Variants in PLPPR5 observed in about 807,000 individuals in gnomAD.
PLPPR5 encodes the protein phospholipid phosphatase-related protein type 5.
A neutral mutation model predicts 33.9 loss-of-function variants in PLPPR5; 16 were observed. That is an observed-to-expected ratio of 0.47 (90% CI 0.32 to 0.72). The LOEUF (loss-of-function observed/expected upper bound fraction) is 0.72. Among genes scored for constraint, PLPPR5 ranks in the 30% least tolerant of loss-of-function variants. PLPPR5 has a pLI of 0.03. For synonymous variants in PLPPR5, 163 were observed against 150.3 expected, an observed-to-expected ratio of 1.08 and a Z score of -0.62; for missense variants, 301 against 406.7, an observed-to-expected ratio of 0.74 and a Z score of 2.23.
At chr1:98,973,540 T>C (rs537694111) in intron 1 of PLPPR5, among the ~76,000 whole-genome samples, 2 of 152,118 alleles carry the variant, frequency 1.3e-5, no homozygotes, top group South Asian at 4.2e-4. Flanking sequence ...GGAAGAGCTT[T>C]ACAGGTAGGG....
At chr1:98,988,948 T>A (rs1411086254) in intron 1 of PLPPR5, among the ~76,000 whole-genome samples, 1 of 152,220 alleles carries the variant, frequency 6.6e-6, no homozygotes, top group East Asian at 1.9e-4. Context: ...TTTAGCAACA[T>A]CCCTAACACA....
intron 2 of PLPPR5, among the ~76,000 whole-genome samples, 181 bp downstream of exon 2, chr1:98,956,428 C>T (rs1296307553): frequency 1.3e-5 from 2 of 151,818 alleles, no homozygotes; most frequent in East Asian, 3.9e-4. Flanking sequence ...GTGATGTCTG[C>T]GATTTTGATA....
At position 98,923,153 on chromosome 1, in the gene PLPPR5, C is replaced by A. The variant is rs114475402; in HGVS notation, c.622-1095G>T. Among the ~76,000 whole-genome samples, 12 of 152,284 alleles carry A rather than the reference C, an allele frequency of 7.9e-5. No individual in the cohort carries two copies. The East Asian group carries it at 2.1e-3, about 27-fold the overall frequency. On this transcript the variant is annotated intron_variant, in intron 3 of 5. Transcript: ENST00000263177. ...GCAAATGAAATGTCATGAGCCACTA[C>A]GCTCAAGAATAATTTGGTCCTTCCC...
intron 5 of PLPPR5, among the ~76,000 whole-genome samples, chr1:98,908,511 T>A (rs915501018): frequency 6.6e-6 from 1 of 152,168 alleles, no homozygotes; most frequent in Non-Finnish European, 1.5e-5. Flanking sequence ...CTTGGAGATA[T>A]CCTGAAGCCA....
chr1:98,997,281 T>C (rs1317162226), intron 1 of PLPPR5, among the ~76,000 whole-genome samples: 2 of 152,188 alleles, frequency 1.3e-5, no homozygotes, highest in African/African-American at 2.4e-5. Context: ...TTTAAGTATT[T>C]GTGTCTGAAC....
At chr1:98,984,317 G>A (rs1005054973) in intron 1 of PLPPR5, among the ~76,000 whole-genome samples, 1 of 151,952 alleles carries the variant, frequency 6.6e-6, no homozygotes, top group African/African-American at 2.4e-5. Context: ...TTGTTCTAAG[G>A]GAACCAAGAT....
chr1:98,901,161 C>T (rs146667044), intron 5 of PLPPR5, among the ~76,000 whole-genome samples: 1,998 of 152,156 alleles, frequency 0.013, 19 homozygotes, highest in Non-Finnish European at 0.022. Context: ...ATGGGAAAAA[C>T]ACAGACTACA....
chr1:98,964,098 G>C (rs530125894), intron 1 of PLPPR5, among the ~76,000 whole-genome samples: 1 of 152,160 alleles, frequency 6.6e-6, no homozygotes, highest in East Asian at 1.9e-4. Context: ...CTGGGGCAAC[G>C]AGCATAACTG....
intron 1 of PLPPR5, among the ~76,000 whole-genome samples, chr1:98,971,505 T>C (rs1557688481): frequency 6.6e-6 from 1 of 152,102 alleles, no homozygotes; most frequent in Non-Finnish European, 1.5e-5. Context: ...TCCATTTTTT[T>C]TGAACTCTGA....
chr1:98,968,103 C>T (rs969721840), intron 1 of PLPPR5, among the ~76,000 whole-genome samples: 1 of 152,080 alleles, frequency 6.6e-6, no homozygotes, highest in East Asian at 1.9e-4. Context: ...CTAGCAAAAA[C>T]AAATGCTGCT....
chr1:98,908,253 G>A (rs912083605), intron 5 of PLPPR5, among the ~76,000 whole-genome samples: 26 of 152,062 alleles, frequency 1.7e-4, no homozygotes, highest in Admixed American at 1.4e-3. Flanking sequence ...AAGGAAAAAT[G>A]GAATTGTCCT....
At chr1:98,906,414 T>C (rs987920768) in intron 5 of PLPPR5, among the ~76,000 whole-genome samples, 3 of 151,932 alleles carry the variant, frequency 2.0e-5, no homozygotes, top group South Asian at 2.1e-4. Context: ...AGGCCACAGG[T>C]TGGGGGCAGG....
chr1:98,964,373 A>G (rs374956010), intron 1 of PLPPR5, among the ~76,000 whole-genome samples: 1 of 152,140 alleles, frequency 6.6e-6, no homozygotes, highest in Non-Finnish European at 1.5e-5. Flanking sequence ...GAACCTTGGG[A>G]AGGACACCTG....
chr1:98,974,904 T>C (rs867944825), intron 1 of PLPPR5, among the ~76,000 whole-genome samples: 2 of 152,060 alleles, frequency 1.3e-5, no homozygotes, highest in Non-Finnish European at 2.9e-5. Context: ...GTGATTCCTG[T>C]CTGTCTTACA....
At chr1:98,941,064 A>G (rs1396141903) in intron 3 of PLPPR5, among the ~76,000 whole-genome samples, 1 of 151,846 alleles carries the variant, frequency 6.6e-6, no homozygotes, top group African/African-American at 2.4e-5. Context: ...GTTAAGGCCA[A>G]TGAAGGAGTT....
intron 3 of PLPPR5, among the ~76,000 whole-genome samples, chr1:98,930,325 C>T (rs929916730): frequency 6.6e-6 from 1 of 152,020 alleles, no homozygotes; most frequent in African/African-American, 2.4e-5. Flanking sequence ...CTTTAGGACT[C>T]AAAATATTTC....
chr1:98,893,708 T>C (rs971420551), intron 5 of PLPPR5, among the ~76,000 whole-genome samples: 2 of 144,914 alleles, frequency 1.4e-5, no homozygotes, highest in Non-Finnish European at 3.0e-5. Context: ...GATTCAGGCA[T>C]GCAACAGGCC....
intron 4 of PLPPR5, among the ~76,000 whole-genome samples, chr1:98,920,593 CA>C (rs763477562): frequency 0.045 from 3,117 of 69,042 alleles, 320 homozygotes; most frequent in African/African-American, 0.14. Context: ...GTGGTATCAC[CA>C]AAAAAAAAAA....
At chr1:98,915,822 AGCTTCTAAT>A (rs1464863213) in intron 4 of PLPPR5, among the ~76,000 whole-genome samples, 1 of 152,202 alleles carries the variant, frequency 6.6e-6, no homozygotes, top group Non-Finnish European at 1.5e-5. Flanking sequence ...GCATTCGAGA[AGCTTCTAAT>A]GCAGGTGAAT....
Sources: gnomAD v4.1 joint callset for allele counts (sites outside exome capture counted in the v4.1 genomes callset) on GRCh38, gnomAD v4.1.1 for gene constraint, MANE v1.5 for transcripts, NCBI Gene and HGNC (gene_info 2026-07-23, HGNC 2026-07-21) for gene names.